RRM2B: variants seen among roughly 807,000 people sequenced by gnomAD.
RRM2B encodes the protein ribonucleoside-diphosphate reductase subunit M2 B.
In RRM2B, 20 loss-of-function variants were observed where a neutral mutation model predicts 45.9. That is an observed-to-expected ratio of 0.44 (90% CI 0.31 to 0.63). RRM2B has a LOEUF of 0.63. Among genes scored for constraint, RRM2B ranks in the 30% least tolerant of loss-of-function variants. The pLI is 0.09. For missense variants in RRM2B, 320 were observed against 414.7 expected, an observed-to-expected ratio of 0.77 and a Z score of 1.98; for synonymous variants, 124 against 132.3, an observed-to-expected ratio of 0.94 and a Z score of 0.43.
intron 1 of RRM2B, among the ~76,000 whole-genome samples, chr8:102,232,667 C>T (rs997315968): frequency 2.0e-5 from 3 of 152,208 alleles, no homozygotes; most frequent in Non-Finnish European, 2.9e-5. Context: ...TAAATGTCAT[C>T]ATGATGGGCA....
At chr8:102,211,221 C>T (rs1292823038) in intron 8 of RRM2B, among the ~76,000 whole-genome samples, 1 of 152,188 alleles carries the variant, frequency 6.6e-6, no homozygotes, top group East Asian at 1.9e-4. Context: ...GTCTCAAACT[C>T]CTAGACTCAA....
At chr8:102,212,139 A>G (rs560867505) in intron 8 of RRM2B, among the ~76,000 whole-genome samples, 1 of 152,198 alleles carries the variant, frequency 6.6e-6, no homozygotes, top group Non-Finnish European at 1.5e-5. Flanking sequence ...CAACTCATCA[A>G]CAATCCTTTG....
chr8:102,207,288 T>C lies in RRM2B; in HGVS notation c.*845A>G, dbSNP rs964768434. ...CCAAAAAAATATCTAGAGGAGCTAA[T>C]AGCTCTTAGAATATTCTTTGGAAAA... On this transcript the variant is annotated 3_prime_UTR_variant, in exon 9 of 9. Transcript: ENST00000251810. 1.3e-5 allele frequency: 2 copies of C among 152,382 alleles called. No individual in the cohort carries two copies. The highest frequency in any genetic ancestry group is 4.8e-5 in the African/African-American group (2 of 41,600). The allele number at this position is 152,382 out of a possible 1,614,324, so 9.4% of individuals were successfully genotyped here. A position where few individuals can be genotyped will look rare whatever the true frequency, so the allele number is the denominator to read the frequency against.
intron 8 of RRM2B, among the ~76,000 whole-genome samples, chr8:102,212,279 C>T (rs1052818317): frequency 1.3e-5 from 2 of 152,064 alleles, no homozygotes; most frequent in African/African-American, 4.8e-5. Flanking sequence ...CTGCAGGCTC[C>T]ATGTCTTAAG....
At chr8:102,237,935 C>T (rs1811150489) in intron 1 of RRM2B, among the ~76,000 whole-genome samples, 1 of 152,214 alleles carries the variant, frequency 6.6e-6, no homozygotes, top group African/African-American at 2.4e-5. Flanking sequence ...TCCCCCAAAT[C>T]TTCACAGTAT....
At chr8:102,227,836 A>C (rs1810959626) in intron 2 of RRM2B, among the ~76,000 whole-genome samples, 1 of 152,028 alleles carries the variant, frequency 6.6e-6, no homozygotes, top group South Asian at 2.1e-4. Flanking sequence ...GAGAGATCAT[A>C]TCTCTCATGT....
intron 1 of RRM2B, 133 bp downstream of exon 1, chr8:102,238,693 AG>A (rs746768457): frequency 1.9e-6 from 3 of 1,553,552 alleles, no homozygotes; most frequent in Non-Finnish European, 2.6e-6. Flanking sequence ...CGACGAAGCC[AG>A]GCTGCGGCGA....
rs940417354 is a variant in RRM2B, at chr8:102,205,911, G to A, written c.*2222C>T. On this transcript the variant is annotated 3_prime_UTR_variant, in exon 9 of 9. Coordinates refer to ENST00000251810, the MANE Select transcript of RRM2B (RefSeq NM_015713.5). The stretch of plus-strand genomic sequence containing the variant: ...AGACTTCTTCATCCAAATCCAGTTA[G>A]GTTTATTGCTATTATAAATAAGCTT... 7 of 151,040 alleles carry A rather than the reference G, an allele frequency of 4.6e-5. No individual in the cohort carries two copies. Among genetic ancestry groups the A allele is most frequent in the African/African-American group, 9.7e-5 (4 of 41,252 alleles). 9.4% of individuals were successfully genotyped at this position (151,040 alleles called of 1,614,324 possible).
intron 2 of RRM2B, among the ~76,000 whole-genome samples, chr8:102,227,820 G>C (rs1047959008): frequency 4.6e-5 from 7 of 152,046 alleles, no homozygotes; most frequent in African/African-American, 1.7e-4. Flanking sequence ...TGACATAGCA[G>C]AGAGAGAGAG....
intron 1 of RRM2B, chr8:102,238,480 G>A (rs779446716): frequency 2.3e-5 from 29 of 1,267,500 alleles, no homozygotes; most frequent in Non-Finnish European, 2.9e-5. Flanking sequence ...TCCTTGCCTC[G>A]GTTTCCCTGG....
intron 3 of RRM2B, 57 bp from the exon 4 acceptor site, chr8:102,225,075 C>A: frequency 1.9e-6 from 3 of 1,583,766 alleles, no homozygotes; most frequent in Non-Finnish European, 2.6e-6. Flanking sequence ...TTAAACACTG[C>A]AAATCAGAAT....
intron 2 of RRM2B, among the ~76,000 whole-genome samples, chr8:102,231,119 T>C (rs28999699): frequency 6.6e-6 from 1 of 152,322 alleles, no homozygotes; most frequent in East Asian, 1.9e-4. Context: ...GCTGTATAGG[T>C]ATCACCCATT....
intron 1 of RRM2B, among the ~76,000 whole-genome samples, chr8:102,233,820 A>AT (rs921322052): frequency 3.3e-5 from 5 of 151,548 alleles, no homozygotes; most frequent in African/African-American, 4.8e-5. Context: ...TATTTGAGCA[A>AT]TTTTTTTTTA....
chr8:102,225,091 C>T, intron 3 of RRM2B, 73 bp from the exon 4 acceptor site: 5 of 1,526,630 alleles, frequency 3.3e-6, no homozygotes, highest in Non-Finnish European at 4.5e-6. Context: ...AGAATCTGGA[C>T]ATCAGCATTA....
At chr8:102,234,319 T>A (rs1029850029) in intron 1 of RRM2B, among the ~76,000 whole-genome samples, 1 of 152,200 alleles carries the variant, frequency 6.6e-6, no homozygotes, top group Non-Finnish European at 1.5e-5. Context: ...GAGGAGTAGC[T>A]GGATTAGGAG....
intron 2 of RRM2B, among the ~76,000 whole-genome samples, chr8:102,227,872 T>C (rs1038455378): frequency 6.6e-5 from 10 of 152,084 alleles, no homozygotes; most frequent in African/African-American, 2.4e-4. Context: ...ATCCTATTCA[T>C]GAGGGCTCCA....
chr8:102,220,745 T>TTACTATA (rs1395479967), intron 5 of RRM2B, among the ~76,000 whole-genome samples: 1 of 152,222 alleles, frequency 6.6e-6, no homozygotes, highest in Non-Finnish European at 1.5e-5. Context: ...GGAAAATTGG[T>TTACTATA]ATTGTAACCA....
intron 2 of RRM2B, among the ~76,000 whole-genome samples, chr8:102,230,097 A>G (rs1217528905): frequency 2.0e-5 from 3 of 152,160 alleles, no homozygotes. Flanking sequence ...GACAATTATC[A>G]TAACTGCCTG....
chr8:102,213,726 T>C (rs537437981), intron 7 of RRM2B, among the ~76,000 whole-genome samples: 1 of 151,134 alleles, frequency 6.6e-6, no homozygotes, highest in Non-Finnish European at 1.5e-5. Context: ...ATCACTGTTC[T>C]CCAGTCACTA....
Sources: gnomAD v4.1 joint callset for allele counts (sites outside exome capture counted in the v4.1 genomes callset) on GRCh38, gnomAD v4.1.1 for gene constraint, MANE v1.5 for transcripts, NCBI Gene and HGNC (gene_info 2026-07-23, HGNC 2026-07-21) for gene names.